Variants in CLEC18A observed in about 807,000 individuals in gnomAD.
The protein encoded by CLEC18A is mannose receptor-like 1.
CLEC18A carries 5 observed loss-of-function variants against 24.0 expected under a neutral mutation model. That is an observed-to-expected ratio of 0.21 (90% CI 0.11 to 0.44). The LOEUF (loss-of-function observed/expected upper bound fraction) is 0.44, where lower values mean the gene tolerates loss of function less well. Among genes scored for constraint, CLEC18A ranks in the 20% least tolerant of loss-of-function variants. CLEC18A has a pLI of 0.99. For missense variants in CLEC18A, 83 were observed against 233.4 expected, an observed-to-expected ratio of 0.36 and a Z score of 4.20; for synonymous variants, 29 against 100.1, an observed-to-expected ratio of 0.29 and a Z score of 4.24.
At position 69,951,425 on chromosome 16, in the gene CLEC18A, TC is replaced by T. The variant is rs2058945872; in HGVS notation, c.61del (p.Gly22AlafsTer22). 2 of 1,610,962 alleles carry T rather than the reference TC, an allele frequency of 1.2e-6. No individual in the cohort carries two copies. Among genetic ancestry groups the T allele is most frequent in the African/African-American group, 2.7e-5 (2 of 74,804 alleles). On this transcript the variant is annotated frameshift_variant, in exon 1 of 12. Coordinates refer to ENST00000288040, the MANE Select transcript of CLEC18A (RefSeq NM_001370523.4). LOFTEE classifies it high-confidence loss of function. Reference sequence around the variant, plus strand: ...CATCTCCTGGCTGTGCTCCTGGCCCTCCTTGGCACCGCCTGGGCAGAGGTGT... The same window carrying T: ...CATCTCCTGGCTGTGCTCCTGGCCCTCTTGGCACCGCCTGGGCAGAGGTGT... ...RGHLLAVLLA[L>X]LGTAWAEVWP...
chr16:69,954,602 G>A (rs776417043), intron 3 of CLEC18A, 29 bp downstream of exon 3: 24 of 1,606,948 alleles, frequency 1.5e-5, no homozygotes, highest in Middle Eastern at 2.0e-4. Context: ...AGGCCAGTGT[G>A]CCAGCTCCCA....
upstream of CLEC18A, among the ~76,000 whole-genome samples, chr16:69,946,626 A>G (rs2152008082): frequency 6.9e-6 from 1 of 144,372 alleles, no homozygotes; most frequent in East Asian, 2.1e-4. Flanking sequence ...CTGGTCTTGA[A>G]CTCCTGACCT....
chr16:69,954,843 A>T (rs1248141672), intron 3 of CLEC18A, among the ~76,000 whole-genome samples: 1 of 151,608 alleles, frequency 6.6e-6, no homozygotes, highest in African/African-American at 2.4e-5. Context: ...GACTACAGGC[A>T]TGTGCCACCA....
At position 69,954,354 on chromosome 16, in the gene CLEC18A, C is replaced by T. The variant is rs759361301; in HGVS notation, c.237C>T (p.Ala79=). The T allele has an allele frequency of 1.1e-5, 18 of 1,590,682 alleles. No homozygotes were observed. In the East Asian group the frequency reaches 3.8e-4, roughly 34 times the overall value. Reference sequence around the variant, plus strand: ...CCCAGGACTGGAGTGACAGCCTGGCCCAGCTGGCTCAAGCCAGGGCAGCCC... The same window carrying T: ...CCCAGGACTGGAGTGACAGCCTGGCTCAGCTGGCTCAAGCCAGGGCAGCCC... The part of the protein sequence containing the change: ...MRRLDWSDSL[A]QLAQARAALC... Residue 79 remains alanine, a synonymous_variant, in exon 3 of 12, where the codon GCC becomes GCT. Transcript: ENST00000288040.
chr16:69,954,484 G>C lies in CLEC18A; in HGVS notation c.367G>C (p.Val123Leu), dbSNP rs2059004466. The C allele has an allele frequency of 6.2e-7, 1 of 1,611,702 alleles. No homozygotes were observed. The highest frequency in any genetic ancestry group is 8.5e-7 in the Non-Finnish European group (1 of 1,178,624). ...CGCGGGCTTGGTGTCCTTTGTCGAA[G>C]TGGTCAGCCTATGGTTTGCAGAGGG... Reference protein sequence around the residue: ...LPAGLVSFVEVVSLWFAEGQR... With the variant: ...LPAGLVSFVELVSLWFAEGQR... Residue 123 changes from valine (V) to leucine (L), a missense_variant, in exon 3 of 12, where the codon GTG becomes CTG. By Grantham distance (32) the Val-to-Leu change is conservative. Transcript: ENST00000288040.
chr16:69,943,680 C>T, the CLEC18A span, among the ~76,000 whole-genome samples: 1 of 151,200 alleles, frequency 6.6e-6, no homozygotes, highest in South Asian at 2.1e-4. Context: ...TAACCATGGT[C>T]TGGGGAGCTT....
chr16:69,964,645 G>A (rs1003048671), downstream of CLEC18A, among the ~76,000 whole-genome samples: 2 of 150,518 alleles, frequency 1.3e-5, no homozygotes, highest in African/African-American at 4.9e-5. Flanking sequence ...GACTACAGAC[G>A]CCCGCCACCA....
rs1291843245 is a variant in CLEC18A, at chr16:69,956,620, A to C, written c.456+2047A>C. ...TGATCCGCCTGCCTTGGCCTCCCAGAGTGCTGGGATTACAGGTGTGAGCCA... is the reference window on the plus strand; with the variant it reads ...TGATCCGCCTGCCTTGGCCTCCCAGCGTGCTGGGATTACAGGTGTGAGCCA... On this transcript the variant is annotated intron_variant, in intron 3 of 11. Coordinates refer to ENST00000288040, the MANE Select transcript of CLEC18A (RefSeq NM_001370523.4). 3.0e-5 allele frequency among the ~76,000 whole-genome samples: 2 copies of C among 66,336 alleles called. 1 individual carries two copies. The highest frequency in any genetic ancestry group is 5.2e-5 in the Non-Finnish European group (2 of 38,692). 43.5% of individuals were successfully genotyped at this position (66,336 alleles called of 152,430 possible). A position where few individuals can be genotyped will look rare whatever the true frequency, so the allele number is the denominator to read the frequency against.
At chr16:69,944,873 G>A in the CLEC18A span, among the ~76,000 whole-genome samples, 3 of 122,190 alleles carry the variant, frequency 2.5e-5, no homozygotes, top group African/African-American at 7.1e-5. Context: ...GGGCGCGGTG[G>A]CTCACAACTG....
chr16:69,950,978 C>T (rs1408040289), upstream of CLEC18A: 8 of 245,618 alleles, frequency 3.3e-5, no homozygotes, highest in Non-Finnish European at 6.7e-5. Flanking sequence ...ACTGTCCCAG[C>T]CAGGACACGG....
At chr16:69,953,047 G>A (rs1261678914) in intron 2 of CLEC18A, 1 of 151,010 alleles carries the variant, frequency 6.6e-6, no homozygotes, top group East Asian at 1.9e-4. Context: ...GACCCCAGGA[G>A]GGGCTGCGGT....
At chr16:69,944,733 A>G in the CLEC18A span, among the ~76,000 whole-genome samples, 1 of 131,950 alleles carries the variant, frequency 7.6e-6, no homozygotes, top group African/African-American at 3.1e-5. Flanking sequence ...CTACTCGGGA[A>G]GCTGAGGCAG....
intron 11 of CLEC18A, among the ~76,000 whole-genome samples, 162 bp from the exon 12 acceptor site, chr16:69,963,412 T>C (rs1193068505): frequency 6.6e-6 from 1 of 151,778 alleles, no homozygotes; most frequent in Non-Finnish European, 1.5e-5. Context: ...GAGGCGGAGG[T>C]GAAACCTAGC....
intron 2 of CLEC18A, chr16:69,953,183 C>A (rs1223248408): frequency 1.3e-5 from 2 of 152,430 alleles, no homozygotes; most frequent in Non-Finnish European, 2.9e-5. Flanking sequence ...GCCCCGAGCA[C>A]CCTCCGGGCC....
chr16:69,945,599 C>T, the CLEC18A span, among the ~76,000 whole-genome samples: 1 of 152,260 alleles, frequency 6.6e-6, no homozygotes, highest in Non-Finnish European at 1.5e-5. Context: ...CTCAGTCTCC[C>T]AAATAGCTGG....
downstream of CLEC18A, among the ~76,000 whole-genome samples, chr16:69,964,832 C>T (rs1189288153): frequency 2.6e-5 from 4 of 151,930 alleles, no homozygotes; most frequent in East Asian, 5.8e-4. Flanking sequence ...GACAGAGTCT[C>T]GCTTTGTCGT....
the CLEC18A span, among the ~76,000 whole-genome samples, chr16:69,943,657 G>A: frequency 2.0e-5 from 3 of 151,602 alleles, no homozygotes; most frequent in African/African-American, 7.3e-5. Context: ...AACTCCAGGT[G>A]CATGCGGTGA....
In CLEC18A at chr16:69,952,614, G is replaced by A. The variant is rs551782647; in HGVS notation, c.216+488G>A. 362 of 151,624 alleles carry A rather than the reference G, an allele frequency of 2.4e-3. 12 individuals carry two copies. The highest frequency in any genetic ancestry group is 4.8e-3 in the Admixed American group (73 of 15,064). The allele number at this position is 151,624 out of a possible 1,614,324, so 9.4% of individuals were successfully genotyped here. A position where few individuals can be genotyped will look rare whatever the true frequency, so the allele number is the denominator to read the frequency against. On this transcript the variant is annotated intron_variant, in intron 2 of 11. Coordinates refer to ENST00000288040, the MANE Select transcript of CLEC18A (RefSeq NM_001370523.4). ...GCCCATGTTCTCTGCTCACTCACTC[G>A]TCCACATTTTCCACATTTTCAGCAG...
At chr16:69,955,350 C>T (rs1265823702) in intron 3 of CLEC18A, among the ~76,000 whole-genome samples, 5 of 150,162 alleles carry the variant, frequency 3.3e-5, no homozygotes, top group Admixed American at 6.6e-5. Context: ...CAAACATAAA[C>T]GTATTTATTT....
Sources: allele counts gnomAD v4.1 joint callset (sites outside exome capture counted in the v4.1 genomes callset), GRCh38; gene constraint gnomAD v4.1.1; transcripts MANE v1.5; gene names NCBI Gene and HGNC (gene_info 2026-07-23, HGNC 2026-07-21).